PFKFB1: variants seen among roughly 807,000 people sequenced by gnomAD.
PFKFB1 encodes 6-phosphofructo-2-kinase/fructose-2,6-bisphosphatase 1.
Under a neutral mutation model 46.4 loss-of-function variants are expected in PFKFB1, and 34 were observed. The ratio of observed to expected loss-of-function variants is 0.73; its 90% CI spans 0.56 to 0.98. PFKFB1 has a LOEUF of 0.98. Ranked by LOEUF, PFKFB1 falls within the 50% of genes least tolerant of loss-of-function variation. The pLI is 0.00. For synonymous variants in PFKFB1, 119 were observed against 133.8 expected, an observed-to-expected ratio of 0.89 and a Z score of 0.76; for missense variants, 393 against 376.3, an observed-to-expected ratio of 1.04 and a Z score of -0.37.
At chrX:54,941,504 G>T (rs1010396981) in intron 10 of PFKFB1, among the ~76,000 whole-genome samples, 2 of 111,630 alleles carry the variant, frequency 1.8e-5, no homozygotes, top group East Asian at 5.6e-4. Flanking sequence ...CTGACAAAGG[G>T]CTAATATCCA....
chrX:54,994,941 G>T, upstream of PFKFB1: 1 of 548,118 alleles, frequency 1.8e-6, no homozygotes, highest in Non-Finnish European at 2.2e-6. Context: ...GATGCCCTAA[G>T]GAGAATGACA....
At position 54,952,059 on chromosome X, in the gene PFKFB1, C is replaced by A. The variant is rs1236223334; in HGVS notation, c.692G>T (p.Arg231Leu). Residue 231 changes from arginine (R) to leucine (L), a missense_variant, in exon 8 of 14, where the codon CGA (arginine) becomes CTA (leucine). By Grantham distance (102) the Arg-to-Leu change is moderately radical. Transcript: ENST00000375006. Reference protein sequence around the residue: ...FDVGTRYMVNRVQDHIQSRTV... With the variant: ...FDVGTRYMVNLVQDHIQSRTV... ...GCGGCTCTGGATGTGATCCTGCACT[C>A]GGTTCACCATGTAGCGTGTGCCCAC... The A allele has an allele frequency of 5.0e-6, 6 of 1,209,646 alleles. No homozygotes were observed. In the Admixed American group the frequency reaches 1.3e-4, roughly 26 times the overall value.
chrX:54,944,750 C>A (rs1206166365), intron 10 of PFKFB1, among the ~76,000 whole-genome samples: 6 of 111,058 alleles, frequency 5.4e-5, no homozygotes, highest in African/African-American at 2.0e-4. Context: ...AAAATGAGGG[C>A]AAATTAAGAT....
chrX:54,964,467 C>T (rs1256046198), intron 1 of PFKFB1, among the ~76,000 whole-genome samples: 1 of 112,082 alleles, frequency 8.9e-6, no homozygotes, highest in Non-Finnish European at 1.9e-5. Context: ...TCATTAGGAC[C>T]AGAGTAAGTT....
At chrX:54,947,916 T>G (rs1479693464) in intron 9 of PFKFB1, among the ~76,000 whole-genome samples, 1 of 108,765 alleles carries the variant, frequency 9.2e-6, no homozygotes, top group East Asian at 2.9e-4. Flanking sequence ...GCCCTGCTGA[T>G]TCCACCTTAA....
At chrX:54,976,396 A>G (rs1934840784) in intron 1 of PFKFB1, among the ~76,000 whole-genome samples, 1 of 111,795 alleles carries the variant, frequency 8.9e-6, no homozygotes, top group African/African-American at 3.2e-5. Flanking sequence ...AATCATTGGG[A>G]AAATGAAAAT....
At chrX:54,955,439 G>T (rs777433055) in intron 7 of PFKFB1, among the ~76,000 whole-genome samples, 13 of 111,031 alleles carry the variant, frequency 1.2e-4, no homozygotes, top group Non-Finnish European at 2.5e-4. Context: ...ACTCACATCT[G>T]CTCTCTCCTA....
chrX:54,946,750 TTTCC>T (rs776331194), intron 9 of PFKFB1, among the ~76,000 whole-genome samples: 23 of 112,460 alleles, frequency 2.0e-4, no homozygotes, highest in East Asian at 8.4e-4. Flanking sequence ...CGAATTTTAC[TTTCC>T]TTATCTGCAA....
intron 9 of PFKFB1, among the ~76,000 whole-genome samples, chrX:54,948,205 G>A (rs1406608026): frequency 1.8e-5 from 2 of 111,462 alleles, no homozygotes; most frequent in African/African-American, 6.5e-5. Flanking sequence ...TTATAGGTAT[G>A]AGCCACTGCA....
chrX:54,939,762 A>C (rs1391639454), intron 10 of PFKFB1, among the ~76,000 whole-genome samples: 1 of 111,862 alleles, frequency 8.9e-6, no homozygotes, highest in Non-Finnish European at 1.9e-5. Flanking sequence ...TAGCTTACCA[A>C]CCAAAAATAG....
chrX:54,994,372 A>G (rs777654886), upstream of PFKFB1: 64 of 752,742 alleles, frequency 8.5e-5, no homozygotes, highest in Admixed American at 1.8e-4. Flanking sequence ...CTTCCCTCCA[A>G]TGAAGACAAG....
At chrX:54,937,801 G>C in intron 10 of PFKFB1, 77 bp from the exon 11 acceptor site, 1 of 970,596 alleles carries the variant, frequency 1.0e-6, no homozygotes, top group Non-Finnish European at 1.4e-6. Flanking sequence ...TCTAAACTAG[G>C]AATCAAGAAC....
chrX:54,990,151 A>G (rs1408975595), intron 1 of PFKFB1, among the ~76,000 whole-genome samples: 1 of 111,240 alleles, frequency 9.0e-6, no homozygotes, highest in African/African-American at 3.3e-5. Flanking sequence ...ATCCAAAGAA[A>G]GTAGGAGAAA....
intron 7 of PFKFB1, among the ~76,000 whole-genome samples, chrX:54,952,964 C>A (rs185133689): frequency 9.0e-6 from 1 of 111,137 alleles, no homozygotes; most frequent in African/African-American, 3.3e-5. Context: ...ACTGTATCCT[C>A]AATTCTGTGC....
At chrX:54,978,002 A>G (rs931220126) in intron 1 of PFKFB1, among the ~76,000 whole-genome samples, 1 of 110,769 alleles carries the variant, frequency 9.0e-6, no homozygotes, top group Non-Finnish European at 1.9e-5. Context: ...CAATGTGTCA[A>G]TGTAGGTTCA....
At chrX:54,995,129 G>A (rs1019519576), upstream of PFKFB1, among the ~76,000 whole-genome samples, 1 of 111,561 alleles carries the variant, frequency 9.0e-6, no homozygotes, top group Non-Finnish European at 1.9e-5. Context: ...GCCCTCTCCC[G>A]CTCCCCTGAC....
intron 4 of PFKFB1, 82 bp downstream of exon 4, chrX:54,959,745 T>C: frequency 1.7e-6 from 1 of 588,551 alleles, no homozygotes; most frequent in East Asian, 3.5e-5. Flanking sequence ...TAATGTTCTG[T>C]ACACATTGGT....
intron 10 of PFKFB1, among the ~76,000 whole-genome samples, chrX:54,941,210 C>G (rs757170310): frequency 1.8e-5 from 2 of 111,902 alleles, no homozygotes; most frequent in Admixed American, 1.9e-4. Flanking sequence ...TGAAACTGGA[C>G]CCCTTCCTTA....
chrX:54,941,043 G>C (rs766590006), intron 10 of PFKFB1, among the ~76,000 whole-genome samples: 1 of 111,756 alleles, frequency 8.9e-6, no homozygotes, highest in African/African-American at 3.3e-5. Context: ...CCAAAACAGA[G>C]ATATAGACCA....
Sources: allele counts gnomAD v4.1 joint callset (sites outside exome capture counted in the v4.1 genomes callset), GRCh38; gene constraint gnomAD v4.1.1; transcripts MANE v1.5; gene names NCBI Gene and HGNC (gene_info 2026-07-23, HGNC 2026-07-21).